The following UNC79 variants were observed in gnomAD, a reference collection of about 807,000 sequenced individuals.
The protein encoded by UNC79 is unc-79 subunit of NALCN channel complex.
UNC79 carries 37 observed loss-of-function variants against 283.1 expected under a neutral mutation model. That is an observed-to-expected ratio of 0.13 (90% CI 0.10 to 0.17). The LOEUF (loss-of-function observed/expected upper bound fraction) is 0.17, where lower values mean the gene tolerates loss of function less well. Among genes scored for constraint, UNC79 ranks in the 10% least tolerant of loss-of-function variants. The pLI is 1.00. For synonymous variants in UNC79, 1,107 were observed against 1,200.2 expected, an observed-to-expected ratio of 0.92 and a Z score of 1.61; for missense variants, 2,272 against 3,211.1, an observed-to-expected ratio of 0.71 and a Z score of 7.07.
intron 20 of UNC79, among the ~76,000 whole-genome samples, chr14:93,585,271 C>T (rs2064137749): frequency 6.6e-6 from 1 of 152,034 alleles, no homozygotes; most frequent in Non-Finnish European, 1.5e-5. Context: ...CCAGGGTTCC[C>T]TCAGAGCCTC....
chr14:93,702,938 A>G (rs1394652857), intron 47 of UNC79, among the ~76,000 whole-genome samples: 6 of 152,142 alleles, frequency 3.9e-5, no homozygotes, highest in Non-Finnish European at 7.3e-5. Context: ...TGCCACGGTG[A>G]TCTGTCTGGA....
intron 1 of UNC79, among the ~76,000 whole-genome samples, chr14:93,349,580 G>C (rs910566820): frequency 3.3e-5 from 5 of 152,154 alleles, no homozygotes; most frequent in African/African-American, 1.2e-4. Context: ...TTTATGGGCT[G>C]ATCTCTCCTC....
chr14:93,521,546 T>C (rs1376586791), intron 7 of UNC79, among the ~76,000 whole-genome samples: 1 of 151,846 alleles, frequency 6.6e-6, no homozygotes, highest in African/African-American at 2.4e-5. Context: ...GAAGTTACTG[T>C]CAGGAAGAAA....
intron 40 of UNC79, among the ~76,000 whole-genome samples, chr14:93,664,147 G>T (rs957052872): frequency 2.6e-5 from 4 of 152,202 alleles, no homozygotes; most frequent in Non-Finnish European, 5.9e-5. Flanking sequence ...CACAGATAAT[G>T]AGAAACTATA....
intron 4 of UNC79, among the ~76,000 whole-genome samples, chr14:93,480,964 A>G (rs1033428997): frequency 6.6e-6 from 1 of 152,180 alleles, no homozygotes; most frequent in African/African-American, 2.4e-5. Flanking sequence ...TTTCAGGTAT[A>G]AAATGATTCT....
Position 93,572,558 on chromosome 14 carries a change from G to A in UNC79, c.1947-135G>A, listed in dbSNP as rs1009034290. On this transcript the variant is annotated intron_variant, in intron 15 of 48. Coordinates refer to ENST00000555664, the Ensembl canonical transcript of UNC79. ...CTCTTACAGTAAAGTGAAATATGCTGATAACAGTTCAGAATACAAACTAAT... is the reference window on the plus strand; with the variant it reads ...CTCTTACAGTAAAGTGAAATATGCTAATAACAGTTCAGAATACAAACTAAT... 4 of 1,277,896 alleles carry A rather than the reference G, an allele frequency of 3.1e-6. No homozygotes were observed. The African/African-American group carries it at 6.0e-5, about 19-fold the overall frequency. The allele number at this position is 1,277,896 out of a possible 1,614,324, so 79.2% of individuals were successfully genotyped here.
chr14:93,705,103 C>G (rs918267174), intron 48 of UNC79, among the ~76,000 whole-genome samples: 1 of 151,962 alleles, frequency 6.6e-6, no homozygotes, highest in African/African-American at 2.4e-5. Flanking sequence ...GCTGTGGTGG[C>G]ATGCACCTGT....
At chr14:93,663,259 G>C (rs7151902) in intron 40 of UNC79, among the ~76,000 whole-genome samples, 6,741 of 152,162 alleles carry the variant, frequency 0.044, 187 homozygotes, top group African/African-American at 0.081. Context: ...ATTATCTGTA[G>C]AACCCCTGGC....
intron 23 of UNC79, among the ~76,000 whole-genome samples, chr14:93,594,741 A>C (rs1199109475): frequency 1.3e-5 from 2 of 151,960 alleles, no homozygotes; most frequent in Non-Finnish European, 2.9e-5. Context: ...TCTTAGCCTC[A>C]TGTCTGCTGG....
At chr14:93,489,430 A>AT (rs1455033804) in intron 5 of UNC79, among the ~76,000 whole-genome samples, 1 of 152,148 alleles carries the variant, frequency 6.6e-6, no homozygotes, top group Non-Finnish European at 1.5e-5. Context: ...GGGTGAGGCA[A>AT]TTTCCTCTCC....
rs77826538 is a variant in UNC79, at chr14:93,706,698, C to G, written c.7591-6C>G. The G allele has an allele frequency of 6.2e-7, 1 of 1,613,412 alleles. No individual in the cohort carries two copies. The highest frequency in any genetic ancestry group is 8.5e-7 in the Non-Finnish European group (1 of 1,179,840). On this transcript the variant is annotated splice_region_variant and splice_polypyrimidine_tract_variant and intron_variant, in intron 48 of 48. Coordinates refer to ENST00000555664, the Ensembl canonical transcript of UNC79. ...TAAACTAAAACCTCTTGCCCTTTTT[C>G]GACAGCACTTATCTGCGGGACTCCA...
At chr14:93,421,248 TAGG>T (rs2055592774) in intron 1 of UNC79, among the ~76,000 whole-genome samples, 1 of 151,476 alleles carries the variant, frequency 6.6e-6, no homozygotes, top group Admixed American at 6.6e-5. Flanking sequence ...ATAAATAAAA[TAGG>T]AGATGAAAAT....
At chr14:93,357,362 G>A (rs530407984) in intron 1 of UNC79, among the ~76,000 whole-genome samples, 22 of 152,060 alleles carry the variant, frequency 1.4e-4, no homozygotes, top group Admixed American at 2.6e-4. Context: ...GTGTCTGTGA[G>A]GGTGTTGCCA....
At chr14:93,357,733 G>GTA (rs1178702694) in intron 1 of UNC79, among the ~76,000 whole-genome samples, 12 of 82,920 alleles carry the variant, frequency 1.4e-4, no homozygotes, top group South Asian at 7.6e-4. Context: ...ATATATGGAT[G>GTA]TATATATATA....
chr14:93,367,019 T>C (rs909643640), intron 1 of UNC79, among the ~76,000 whole-genome samples: 23 of 152,124 alleles, frequency 1.5e-4, no homozygotes, highest in African/African-American at 5.6e-4. Context: ...TTCACAGACA[T>C]CTATTTTTTT....
chr14:93,406,801 T>C (rs1350859840), intron 1 of UNC79, among the ~76,000 whole-genome samples: 1 of 152,106 alleles, frequency 6.6e-6, no homozygotes, highest in East Asian at 1.9e-4. Flanking sequence ...TATTAGATAA[T>C]AGGGATCAGA....
chr14:93,481,475 A>G (rs1182922646), intron 4 of UNC79, among the ~76,000 whole-genome samples: 1 of 152,150 alleles, frequency 6.6e-6, no homozygotes, highest in African/African-American at 2.4e-5. Context: ...TAAAGATGAT[A>G]ATAAAGCTGA....
chr14:93,698,633 C>T (rs1413144126), intron 47 of UNC79, among the ~76,000 whole-genome samples: 1 of 151,486 alleles, frequency 6.6e-6, no homozygotes, highest in Non-Finnish European at 1.5e-5. Flanking sequence ...CCACAGGTGC[C>T]CACCGCCATG....
intron 1 of UNC79, among the ~76,000 whole-genome samples, chr14:93,437,045 G>A (rs577808640): frequency 6.6e-6 from 1 of 152,198 alleles, no homozygotes; most frequent in Admixed American, 6.5e-5. Flanking sequence ...AAGGATATGT[G>A]TGTGTGTATA....
Sources: allele counts gnomAD v4.1 joint callset (sites outside exome capture counted in the v4.1 genomes callset), GRCh38; gene constraint gnomAD v4.1.1; transcripts MANE v1.5; gene names NCBI Gene and HGNC (gene_info 2026-07-23, HGNC 2026-07-21).